MAT1A: variants seen among roughly 807,000 people sequenced by gnomAD.
The protein encoded by MAT1A is S-adenosylmethionine synthase isoform type-1.
A neutral mutation model predicts 44.0 loss-of-function variants in MAT1A; 19 were observed. The ratio of observed to expected loss-of-function variants is 0.43; its 90% CI spans 0.30 to 0.63. The LOEUF is 0.63. MAT1A is among the 30% of genes least tolerant of loss of function. MAT1A has a pLI of 0.12. For synonymous variants in MAT1A, 205 were observed against 205.6 expected, an observed-to-expected ratio of 1.00 and a Z score of 0.03; for missense variants, 397 against 531.0, an observed-to-expected ratio of 0.75 and a Z score of 2.48.
At position 80,273,769 on chromosome 10, in the gene MAT1A, C is replaced by T. The variant is rs370084055; in HGVS notation, c.*12G>A. The T allele has an allele frequency of 1.3e-6, 2 of 1,596,456 alleles. No individual in the cohort carries two copies. The highest frequency in any genetic ancestry group is 1.3e-5 in the African/African-American group (1 of 74,372). On this transcript the variant is annotated 3_prime_UTR_variant, in exon 9 of 9. Transcript: ENST00000372213. The stretch of plus-strand genomic sequence containing the variant: ...GCCTCCAGGGTGAGACCAGGCCCAG[C>T]TCCCCCTGGCTCTAAAATACAAGCT...
chr10:80,276,370 A>G lies in MAT1A; in HGVS notation c.768+6T>C. On this transcript the variant is annotated splice_donor_region_variant and intron_variant, in intron 6 of 8. Coordinates refer to ENST00000372213, the MANE Select transcript of MAT1A (RefSeq NM_000429.3). ...ACCAGGGCTTCGTTCAGAGACAAGA[A>G]TGCACCTGGGGACCTCCGATGACAA... 1 of 1,613,942 alleles carries G rather than the reference A, an allele frequency of 6.2e-7. No individual in the cohort carries two copies.
Position 80,282,213 on chromosome 10 carries a change from G to A in MAT1A, c.293-1421C>T, listed in dbSNP as rs192001265. Among the ~76,000 whole-genome samples, 19 of 152,306 alleles carry A rather than the reference G, an allele frequency of 1.2e-4. No homozygotes were observed. In the East Asian group the frequency reaches 3.7e-3, roughly 29 times the overall value. On this transcript the variant is annotated intron_variant, in intron 3 of 8. Transcript: ENST00000372213. ...CCCAGGGCTCAAAAATCAAGCAAGG[G>A]CTCCAAGGAATTTGGAAAAACAGAA...
At chr10:80,280,996 T>C (rs1032713498) in intron 3 of MAT1A, among the ~76,000 whole-genome samples, 1 of 152,190 alleles carries the variant, frequency 6.6e-6, no homozygotes, top group African/African-American at 2.4e-5. Flanking sequence ...TAGAACTCTT[T>C]GGCCAACCAA....
intron 1 of MAT1A, 24 bp from the exon 2 acceptor site, chr10:80,285,613 A>G: frequency 6.8e-7 from 1 of 1,471,792 alleles, no homozygotes; most frequent in Non-Finnish European, 9.5e-7. Flanking sequence ...AATATGGGTC[A>G]GAATCACAAA....
chr10:80,277,062 A>G (rs1841499056), intron 5 of MAT1A, among the ~76,000 whole-genome samples: 1 of 152,156 alleles, frequency 6.6e-6, no homozygotes, highest in Admixed American at 6.5e-5. Context: ...CTGGGATCTG[A>G]CCTGGAGCTG....
chr10:80,277,056 G>A (rs767786884), intron 5 of MAT1A, among the ~76,000 whole-genome samples: 9 of 152,206 alleles, frequency 5.9e-5, no homozygotes, highest in Non-Finnish European at 1.3e-4. Flanking sequence ...GAAGAGCTGG[G>A]ATCTGACCTG....
chr10:80,283,729 A>C (rs1430605205), intron 3 of MAT1A, among the ~76,000 whole-genome samples, 187 bp downstream of exon 3: 1 of 152,274 alleles, frequency 6.6e-6, no homozygotes, highest in African/African-American at 2.4e-5. Flanking sequence ...CACTGGGCAT[A>C]GTCGCCTGTT....
rs138556525 is a variant in MAT1A, at chr10:80,275,192, G to C, written c.776C>G (p.Ala259Gly). Residue 259 changes from alanine (A) to glycine (G), a missense_variant, in exon 7 of 9, where the codon GCG (alanine) becomes GGG (glycine). Coordinates refer to ENST00000372213, the MANE Select transcript of MAT1A (RefSeq NM_000429.3). ...RFVIGGPQGD[A>G]GVTGRKIIVD... ...AATAATCTTACGGCCAGTGACACCC[G>C]CATCCCCCTGCAGAGGGAGAGAAAT... The C allele has an allele frequency of 6.2e-7, 1 of 1,611,962 alleles. No homozygotes were observed. The highest frequency in any genetic ancestry group is 1.1e-5 in the South Asian group (1 of 90,846).
chr10:80,280,859 T>C, intron 3 of MAT1A, 67 bp from the exon 4 acceptor site: 2 of 1,136,558 alleles, frequency 1.8e-6, no homozygotes, highest in South Asian at 1.2e-5. Context: ...AACTTCCCAA[T>C]GGATGGCTCG....
rs1307498438 is a variant in MAT1A at position 80,273,163 on chromosome 10, T to C, written c.*618A>G. ...TATCCAGACTCTCTGTGCTTTGCTT[T>C]CCCCCATCTATAAATGGGATATAAA... On this transcript the variant is annotated 3_prime_UTR_variant, in exon 9 of 9. Transcript: ENST00000372213. 1 of 155,096 alleles carries C rather than the reference T, an allele frequency of 6.4e-6. No individual in the cohort carries two copies. The highest frequency in any genetic ancestry group is 1.4e-5 in the Non-Finnish European group (1 of 69,960). The allele number at this position is 155,096 out of a possible 1,614,324, so 9.6% of individuals were successfully genotyped here. A position where few individuals can be genotyped will look rare whatever the true frequency, so the allele number is the denominator to read the frequency against.
intron 5 of MAT1A, among the ~76,000 whole-genome samples, chr10:80,277,479 A>G (rs1841506275): frequency 6.6e-6 from 1 of 152,204 alleles, no homozygotes; most frequent in Non-Finnish European, 1.5e-5. Flanking sequence ...AGTCCTGGCC[A>G]TGTAAGATCT....
chr10:80,282,863 G>A (rs552046570), intron 3 of MAT1A, among the ~76,000 whole-genome samples: 1 of 152,124 alleles, frequency 6.6e-6, no homozygotes, highest in African/African-American at 2.4e-5. Context: ...CATCACCCTA[G>A]ACAACGATTA....
intron 7 of MAT1A, 120 bp from the exon 8 acceptor site, chr10:80,274,773 C>G: frequency 7.2e-7 from 1 of 1,391,274 alleles, no homozygotes. Flanking sequence ...CCCACATGCT[C>G]CCCTGCAATT....
chr10:80,283,104 C>T lies in MAT1A; in HGVS notation c.292+812G>A, dbSNP rs547573502. On this transcript the variant is annotated intron_variant, in intron 3 of 8. Transcript: ENST00000372213. ...CTGAACATCTAATGCCAGAGACCAA[C>T]GTGGAGACTCTAAGAATTGGGGCCA... Among the ~76,000 whole-genome samples the T allele has an allele frequency of 1.3e-4, 20 of 152,304 alleles. No individual in the cohort carries two copies. The South Asian group carries it at 3.9e-3, about 30-fold the overall frequency.
At chr10:80,280,658 C>G (rs1162995029) in intron 4 of MAT1A, 22 bp downstream of exon 4, 2 of 1,586,204 alleles carry the variant, frequency 1.3e-6, no homozygotes, top group African/African-American at 1.3e-5. Context: ...ACACACAGCT[C>G]CCACATGCAG....
At position 80,274,506 on chromosome 10, in the gene MAT1A, G is replaced by A. The variant is rs2994388; in HGVS notation, c.1085+14C>T. 766,437 of 1,613,602 alleles carry A rather than the reference G, an allele frequency of 0.47. 187,721 individuals carry two copies. Among genetic ancestry groups the A allele is most frequent in the African/African-American group, 0.75 (56,413 of 74,962 alleles). ...GAGCAAGGTCCTGTGTAATAGCAGC[G>A]CATGGCACTTTACCTGACAATGACG... On this transcript the variant is annotated intron_variant, in intron 8 of 8. Coordinates refer to ENST00000372213, the MANE Select transcript of MAT1A (RefSeq NM_000429.3).
chr10:80,276,562 T>G lies in MAT1A; in HGVS notation c.582A>C (p.Ala194=), dbSNP rs760756176. 3.2e-5 allele frequency: 51 copies of G among 1,613,126 alleles called. No homozygotes were observed. Among genetic ancestry groups the G allele is most frequent in the Non-Finnish European group, 3.8e-5 (45 of 1,180,036 alleles). Residue 194 remains alanine (A), a synonymous_variant, in exon 6 of 9, where the codon GCA becomes GCC. Coordinates refer to ENST00000372213, the MANE Select transcript of MAT1A (RefSeq NM_000429.3). ...TGGTGTGGATGCGCACAGGGATGAC[T>G]GCGCCATTGTCCTGCATGTACTGAA... is the stretch of plus-strand genomic sequence containing the variant. The part of the protein sequence containing the change: ...VTVQYMQDNG[A]VIPVRIHTIV...
Position 80,289,522 on chromosome 10 carries a change from C to A in MAT1A, c.-99G>T. On this transcript the variant is annotated 5_prime_UTR_variant, in exon 1 of 9. Transcript: ENST00000372213. ...TCTTCTTCTTCTTCTTCTTTCAACC[C>A]AACAGGCTTGTCTTTGGCAGAGCCA... 1.5e-6 allele frequency: 1 copy of A among 662,068 alleles called. No homozygotes were observed. The allele number at this position is 662,068 out of a possible 1,614,324, so 41.0% of individuals were successfully genotyped here.
chr10:80,280,428 T>C, intron 4 of MAT1A, 112 bp from the exon 5 acceptor site: 1 of 1,362,870 alleles, frequency 7.3e-7, no homozygotes, highest in East Asian at 2.4e-5. Flanking sequence ...GCCTCCTCCA[T>C]GGAGCTTTCC....
Sources: allele counts gnomAD v4.1 joint callset (sites outside exome capture counted in the v4.1 genomes callset), GRCh38; gene constraint gnomAD v4.1.1; transcripts MANE v1.5; gene names NCBI Gene and HGNC (gene_info 2026-07-23, HGNC 2026-07-21).